SCAMP1: variants seen among roughly 807,000 people sequenced by gnomAD.
SCAMP1 encodes secretory carrier membrane protein 1.
In SCAMP1, 15 loss-of-function variants were observed where a neutral mutation model predicts 41.8. The observed-to-expected ratio is 0.36, with a 90% CI of 0.24 to 0.55. The LOEUF (loss-of-function observed/expected upper bound fraction) is 0.55. Among genes scored for constraint, SCAMP1 ranks in the 20% least tolerant of loss-of-function variants. The pLI, the probability that SCAMP1 is intolerant of heterozygous loss-of-function variation, is 0.86. For missense variants in SCAMP1, 341 were observed against 412.6 expected (o/e 0.83, Z 1.50); for synonymous variants, 135 against 136.8 (o/e 0.99, Z 0.09).
intron 6 of SCAMP1, among the ~76,000 whole-genome samples, chr5:78,437,046 C>T (rs1752775240): frequency 6.6e-6 from 1 of 152,140 alleles, no homozygotes. Flanking sequence ...TATAGGAATG[C>T]TTGTGATTTT....
At chr5:78,439,559 T>G (rs1752862559) in intron 6 of SCAMP1, among the ~76,000 whole-genome samples, 1 of 152,250 alleles carries the variant, frequency 6.6e-6, no homozygotes, top group African/African-American at 2.4e-5. Context: ...CTCTTCTGGC[T>G]TGTAGGGTTT....
chr5:78,441,411 GA>G (rs1448785477), intron 6 of SCAMP1, among the ~76,000 whole-genome samples: 2 of 152,188 alleles, frequency 1.3e-5, no homozygotes, highest in Non-Finnish European at 2.9e-5. Context: ...GTTTAGGGGG[GA>G]AAATGATGTT....
At chr5:78,396,154 A>G (rs953562092) in intron 2 of SCAMP1, among the ~76,000 whole-genome samples, 21 of 152,342 alleles carry the variant, frequency 1.4e-4, no homozygotes, top group African/African-American at 3.8e-4. Context: ...GAACTACTCT[A>G]TATGATACTA....
In SCAMP1 at chr5:78,479,828, G is replaced by C. The variant is rs1464383418; in HGVS notation, c.*4160G>C. 1.3e-5 allele frequency among the ~76,000 whole-genome samples: 2 copies of C among 151,988 alleles called. No individual in the cohort carries two copies. The highest frequency in any genetic ancestry group is 2.9e-5 in the Non-Finnish European group (2 of 68,002). ...GAGGCCAAGGTGGGCGGATCACGAG[G>C]TCAGGAGATCGAAACCATCCTGGCT... On this transcript the variant is annotated 3_prime_UTR_variant, in exon 9 of 9. Transcript: ENST00000621999.
chr5:78,416,491 G>T, intron 3 of SCAMP1, 50 bp from the exon 4 acceptor site: 1 of 1,361,554 alleles, frequency 7.3e-7, no homozygotes, highest in Non-Finnish European at 1.0e-6. Context: ...AAATGTTAAA[G>T]TATTTTATAC....
chr5:78,381,066 C>CA (rs35373034), intron 1 of SCAMP1, among the ~76,000 whole-genome samples: 42,264 of 143,488 alleles, frequency 0.29, 6,113 homozygotes, highest in East Asian at 0.55. Context: ...GACTCCGTCT[C>CA]AAAAAAAAAA....
chr5:78,434,597 T>G (rs1424442535), intron 6 of SCAMP1, among the ~76,000 whole-genome samples: 1 of 152,168 alleles, frequency 6.6e-6, no homozygotes, highest in African/African-American at 2.4e-5. Context: ...AGCACTTTAG[T>G]TTTTCTTTTT....
intron 1 of SCAMP1, among the ~76,000 whole-genome samples, chr5:78,369,862 T>C: frequency 6.6e-6 from 1 of 152,226 alleles, no homozygotes; most frequent in East Asian, 1.9e-4. Flanking sequence ...AGCTTACACA[T>C]TTGTGATCAT....
chr5:78,388,431 G>A (rs1422074580), intron 1 of SCAMP1, among the ~76,000 whole-genome samples: 3 of 152,226 alleles, frequency 2.0e-5, no homozygotes, highest in Admixed American at 6.5e-5. Flanking sequence ...GATTTGTAAT[G>A]CAGTATGAAA....
intron 1 of SCAMP1, among the ~76,000 whole-genome samples, chr5:78,371,597 T>C (rs1419962004): frequency 2.0e-5 from 3 of 152,218 alleles, no homozygotes; most frequent in African/African-American, 7.2e-5. Context: ...GTCCGGCTTC[T>C]AAAATTGCCA....
At chr5:78,401,833 T>G (rs921815392) in intron 2 of SCAMP1, among the ~76,000 whole-genome samples, 7 of 152,152 alleles carry the variant, frequency 4.6e-5, no homozygotes, top group African/African-American at 1.7e-4. Flanking sequence ...TTAATTTCGT[T>G]GACTTGTGCT....
In SCAMP1 at chr5:78,415,558, T is replaced by C; in HGVS notation, c.174T>C (p.Asn58=). The C allele has an allele frequency of 6.2e-7, 1 of 1,608,234 alleles. No individual in the cohort carries two copies. The highest frequency in any genetic ancestry group is 8.5e-7 in the Non-Finnish European group (1 of 1,177,236). The change falls in exon 3 of 9, where the codon AAT becomes AAC. Residue 58 remains asparagine (N), a synonymous_variant. Transcript: ENST00000621999. ...PGGVKMPNVP[N]TQPAIMKPTE... ...GTGTGAAGATGCCTAATGTACCCAA[T>C]ACACAACCAGCAATAATGAAACCAA...
At chr5:78,404,473 T>TTTTTTTTTTTTTG (rs1751883665) in intron 2 of SCAMP1, among the ~76,000 whole-genome samples, 1 of 131,628 alleles carries the variant, frequency 7.6e-6, no homozygotes, top group African/African-American at 2.6e-5. Flanking sequence ...TTTTTTTTTT[T>TTTTTTTTTTTTTG]GCTAGGCTGA....
At chr5:78,379,511 C>T (rs1751146266) in intron 1 of SCAMP1, among the ~76,000 whole-genome samples, 1 of 152,148 alleles carries the variant, frequency 6.6e-6, no homozygotes, top group Non-Finnish European at 1.5e-5. Flanking sequence ...TCTAATACTG[C>T]ATTAGGAGAG....
chr5:78,399,528 G>T (rs773029816), intron 2 of SCAMP1, among the ~76,000 whole-genome samples: 47 of 152,164 alleles, frequency 3.1e-4, no homozygotes, highest in Non-Finnish European at 6.2e-4. Context: ...GTGTGTAGTG[G>T]TGTCATTGTT....
At chr5:78,417,608 A>T (rs1186313088) in intron 4 of SCAMP1, among the ~76,000 whole-genome samples, 1 of 152,206 alleles carries the variant, frequency 6.6e-6, no homozygotes, top group Non-Finnish European at 1.5e-5. Context: ...CTCATACTTA[A>T]ATCATCAATA....
intron 8 of SCAMP1, among the ~76,000 whole-genome samples, chr5:78,460,816 CCTTCCT>C (rs1753585599): frequency 3.7e-5 from 1 of 26,746 alleles, no homozygotes; most frequent in African/African-American, 8.7e-5. Flanking sequence ...TCCCTTCCTT[CCTTCCT>C]TTCTTGTCTT....
chr5:78,371,413 A>G (rs181178875), intron 1 of SCAMP1, among the ~76,000 whole-genome samples: 2 of 152,288 alleles, frequency 1.3e-5, no homozygotes, highest in East Asian at 1.9e-4. Flanking sequence ...TGTTGAAAAG[A>G]TTGTTCAGTC....
At chr5:78,456,547 C>A (rs1040413092) in intron 7 of SCAMP1, among the ~76,000 whole-genome samples, 1 of 151,388 alleles carries the variant, frequency 6.6e-6, no homozygotes, top group African/African-American at 2.4e-5. Context: ...TTTCTGCCGA[C>A]AGATCTGCTG....
Sources: gnomAD v4.1 joint callset for allele counts (sites outside exome capture counted in the v4.1 genomes callset) on GRCh38, gnomAD v4.1.1 for gene constraint, MANE v1.5 for transcripts, NCBI Gene and HGNC (gene_info 2026-07-23, HGNC 2026-07-21) for gene names.